FAM222A: variants seen among roughly 807,000 people sequenced by gnomAD.
FAM222A encodes family with sequence similarity 222 member A, also known as protein FAM222A.
Under a neutral mutation model 25.8 loss-of-function variants are expected in FAM222A, and 7 were observed. The observed-to-expected ratio is 0.27, with a 90% CI of 0.15 to 0.51. The LOEUF (loss-of-function observed/expected upper bound fraction) is 0.51. Among genes scored for constraint, FAM222A ranks in the 20% least tolerant of loss-of-function variants. The pLI is 0.97. For missense variants in FAM222A, 573 were observed against 640.5 expected (o/e 0.89, Z 1.14); for synonymous variants, 294 against 298.8 (o/e 0.98, Z 0.17).
intron 2 of FAM222A, among the ~76,000 whole-genome samples, chr12:109,764,066 C>CA (rs1314068262): frequency 1.3e-5 from 2 of 151,862 alleles, no homozygotes; most frequent in Admixed American, 1.3e-4. Context: ...CCCATCTTTA[C>CA]AAAAAATACA....
rs868817586 is a variant in FAM222A at position 109,769,450 on chromosome 12, G to A, written c.*162G>A. ...TGCCGCCTCGCTGTGGCCGGATGGA[G>A]GGTGGCAGGGCAACCTCACATACCA... is the stretch of plus-strand genomic sequence containing the variant. On this transcript the variant is annotated 3_prime_UTR_variant, in exon 3 of 3. Coordinates refer to ENST00000538780, the MANE Select transcript of FAM222A (RefSeq NM_032829.3). 11 of 884,390 alleles carry A rather than the reference G, an allele frequency of 1.2e-5. No homozygotes were observed. The Middle Eastern group carries it at 1.0e-3, about 83-fold the overall frequency. The allele number at this position is 884,390 out of a possible 1,614,324, so 54.8% of individuals were successfully genotyped here.
At chr12:109,736,514 G>A (rs2136331697) in intron 1 of FAM222A, among the ~76,000 whole-genome samples, 1 of 152,290 alleles carries the variant, frequency 6.6e-6, no homozygotes, top group East Asian at 1.9e-4. Context: ...CTCTGCTAAT[G>A]AGGCAGCTGG....
rs1889152396 is a variant in FAM222A at position 109,768,880 on chromosome 12, G to A, written c.951G>A (p.Gly317=). The change falls in exon 3 of 3, where the codon GGG becomes GGA. Residue 317 remains glycine (G), a synonymous_variant. Coordinates refer to ENST00000538780, the MANE Select transcript of FAM222A (RefSeq NM_032829.3). ...TVASKSPEAC[G]GRAYERASGS... The stretch of plus-strand genomic sequence containing the variant: ...CCAGCAAGTCCCCTGAGGCTTGCGG[G>A]GGCCGGGCATACGAGCGGGCCAGCG... The A allele has an allele frequency of 1.3e-6, 2 of 1,582,784 alleles. No individual in the cohort carries two copies. The highest frequency in any genetic ancestry group is 1.3e-5 in the African/African-American group (1 of 74,494).
chr12:109,744,517 TCAC>T (rs1199291246), intron 2 of FAM222A: 32 of 985,262 alleles, frequency 3.2e-5, no homozygotes, highest in Non-Finnish European at 3.7e-5. Flanking sequence ...CTCTGCAACT[TCAC>T]CACCATTATC....
Position 109,768,925 on chromosome 12 carries a change from CGTGGGGCT to C in FAM222A, c.998_1005del (p.Val333AlafsTer96). 1.9e-6 allele frequency: 3 copies of C among 1,577,748 alleles called. No individual in the cohort carries two copies. The highest frequency in any genetic ancestry group is 2.6e-6 in the Non-Finnish European group (3 of 1,169,060). On this transcript the variant is annotated frameshift_variant, in exon 3 of 3. Transcript: ENST00000538780. LOFTEE classifies it high-confidence loss of function. ...CCAGCGGGTCACCCCTCAACTGTGG[CGTGGGGCT>C]GCCCACCAGCTTCACCGTAGGCCAG... is the stretch of plus-strand genomic sequence containing the variant.
chr12:109,768,594 G>A lies in FAM222A; in HGVS notation c.665G>A (p.Gly222Asp), dbSNP rs553887605. The part of the protein sequence containing the change: ...APGAAPPACQ[G>D]MAIPHPSPAK... ...GGCGCCGCACCCCCTGCCTGCCAGG[G>A]CATGGCTATTCCCCATCCCAGCCCT... Residue 222 changes from glycine to aspartate, a missense_variant, in exon 3 of 3, where the codon GGC (glycine) becomes GAC (aspartate). By Grantham distance (94) the Gly-to-Asp change is moderately conservative. This residue lies in a region of FAM222A where 412 missense variants were observed against 407.0 expected (regional missense o/e 1.01). Transcript: ENST00000538780. The A allele has an allele frequency of 2.0e-5, 32 of 1,604,050 alleles. 2 individuals carry two copies. In the East Asian group the frequency reaches 3.1e-4, roughly 16 times the overall value.
chr12:109,735,485 C>T (rs1888061264), intron 1 of FAM222A: 1 of 152,240 alleles, frequency 6.6e-6, no homozygotes, highest in African/African-American at 2.4e-5. Flanking sequence ...TTTTCTCCTT[C>T]CCCGTTGCCT....
At chr12:109,755,152 CAAT>C (rs1279754180) in intron 2 of FAM222A, among the ~76,000 whole-genome samples, 1 of 152,116 alleles carries the variant, frequency 6.6e-6, no homozygotes, top group Non-Finnish European at 1.5e-5. Flanking sequence ...GGTGATGTCA[CAAT>C]GTCTTTGGTC....
intron 1 of FAM222A, among the ~76,000 whole-genome samples, chr12:109,741,609 T>G (rs948680449): frequency 6.6e-6 from 1 of 152,150 alleles, no homozygotes; most frequent in Non-Finnish European, 1.5e-5. Flanking sequence ...CAAGGGACAT[T>G]AGGGCACCTA....
intron 1 of FAM222A, among the ~76,000 whole-genome samples, chr12:109,728,419 C>T (rs73202446): frequency 0.1 from 15,492 of 152,234 alleles, 1,088 homozygotes; most frequent in Middle Eastern, 0.16. Context: ...CACTTTGCCT[C>T]GTCTGTAGAA....
chr12:109,768,151 C>A lies in FAM222A; in HGVS notation c.222C>A (p.His74Gln). ...ACATCCGTGTGCCCCAGCACAAGCA[C>A]CTCAGCCGCACAGTCAATGGCTATG... ...PTNIRVPQHK[H>Q]LSRTVNGYDT... Residue 74 changes from histidine to glutamine, a missense_variant, in exon 3 of 3, where the codon CAC (histidine) becomes CAA (glutamine). By Grantham distance (24) the His-to-Gln change is conservative. This residue lies in a region of FAM222A where 112 missense variants were observed against 154.6 expected (regional missense o/e 0.72). Transcript: ENST00000538780. 2 of 1,613,994 alleles carry A rather than the reference C, an allele frequency of 1.2e-6. No individual in the cohort carries two copies. The highest frequency in any genetic ancestry group is 1.6e-4 in the Middle Eastern group (1 of 6,062).
intron 1 of FAM222A, among the ~76,000 whole-genome samples, chr12:109,720,710 A>G (rs751665866): frequency 3.4e-4 from 52 of 152,276 alleles, no homozygotes; most frequent in Admixed American, 9.2e-4. Flanking sequence ...TGCTGGGGAC[A>G]TGAAGATGAA....
intron 2 of FAM222A, among the ~76,000 whole-genome samples, chr12:109,749,702 T>C (rs1888507099): frequency 1.3e-5 from 2 of 152,226 alleles, no homozygotes; most frequent in African/African-American, 4.8e-5. Flanking sequence ...CATGTTCCTG[T>C]CTATGTCTTC....
intron 1 of FAM222A, among the ~76,000 whole-genome samples, chr12:109,732,222 G>A (rs778286887): frequency 2.6e-5 from 4 of 152,208 alleles, no homozygotes; most frequent in Admixed American, 6.5e-5. Flanking sequence ...ACTGAGTGCC[G>A]GGTGGGAGGA....
intron 2 of FAM222A, among the ~76,000 whole-genome samples, chr12:109,762,608 G>A (rs374229972): frequency 1.3e-5 from 2 of 152,136 alleles, no homozygotes; most frequent in Non-Finnish European, 2.9e-5. Flanking sequence ...TTACCAAAAC[G>A]GGACTGTGCA....
At position 109,770,133 on chromosome 12, in the gene FAM222A, G is replaced by A. The variant is rs1889202853; in HGVS notation, c.*845G>A. On this transcript the variant is annotated 3_prime_UTR_variant, in exon 3 of 3. Transcript: ENST00000538780. ...AAGGCACCACAGGGGCTAACAGTGG[G>A]CCTGCAATCTTAGATCCCATCCTTG... 1 of 152,374 alleles carries A rather than the reference G, an allele frequency of 6.6e-6. No individual in the cohort carries two copies. Among genetic ancestry groups the A allele is most frequent in the African/African-American group, 2.4e-5 (1 of 41,452 alleles). 9.4% of individuals were successfully genotyped at this position (152,374 alleles called of 1,614,324 possible).
chr12:109,730,871 G>A (rs1887935287), intron 1 of FAM222A, among the ~76,000 whole-genome samples: 1 of 152,198 alleles, frequency 6.6e-6, no homozygotes, highest in Admixed American at 6.5e-5. Flanking sequence ...CCCCGCTGCT[G>A]TGTGACTGCA....
intron 2 of FAM222A, among the ~76,000 whole-genome samples, chr12:109,748,981 C>A (rs1394938305): frequency 2.6e-5 from 4 of 152,086 alleles, no homozygotes; most frequent in African/African-American, 4.8e-5. Context: ...AGTCTCTGAG[C>A]ACTTCCGAGC....
intron 2 of FAM222A, among the ~76,000 whole-genome samples, chr12:109,751,211 G>A (rs931902291): frequency 3.3e-5 from 5 of 149,920 alleles, no homozygotes; most frequent in African/African-American, 5.0e-5. Context: ...TACTTGGACA[G>A]TATGATTTTT....
Sources: gnomAD v4.1 joint callset for allele counts (sites outside exome capture counted in the v4.1 genomes callset) on GRCh38, gnomAD v4.1.1 for gene constraint, gnomAD v4.1.1 regional missense constraint, MANE v1.5 for transcripts, NCBI Gene and HGNC (gene_info 2026-07-23, HGNC 2026-07-21) for gene names.